The following NALF1 variants were observed in gnomAD, a reference collection of about 807,000 sequenced individuals.
NALF1 encodes family with sequence similarity 155 member A.
NALF1 carries 3 observed loss-of-function variants against 48.4 expected under a neutral mutation model. The observed-to-expected ratio is 0.06, with a 90% CI of 0.03 to 0.16. The LOEUF (loss-of-function observed/expected upper bound fraction) is 0.16. Ranked by LOEUF, NALF1 falls within the 10% of genes least tolerant of loss-of-function variation. NALF1 has a pLI of 1.00. For synonymous variants in NALF1, 262 were observed against 245.7 expected, an observed-to-expected ratio of 1.07 and a Z score of -0.62; for missense variants, 526 against 571.5, an observed-to-expected ratio of 0.92 and a Z score of 0.81.
chr13:107,797,070 A>G (rs1475011138), intron 1 of NALF1, among the ~76,000 whole-genome samples: 1 of 152,186 alleles, frequency 6.6e-6, no homozygotes, highest in African/African-American at 2.4e-5. Context: ...CATGGCCACC[A>G]AAAAGCTTTC....
At chr13:107,706,286 C>A (rs1237181168) in intron 1 of NALF1, among the ~76,000 whole-genome samples, 1 of 152,178 alleles carries the variant, frequency 6.6e-6, no homozygotes, top group African/African-American at 2.4e-5. Flanking sequence ...CAGAACTCTG[C>A]TCCCTTCTGG....
chr13:107,680,422 G>T (rs1273273231), intron 1 of NALF1, among the ~76,000 whole-genome samples: 1 of 150,298 alleles, frequency 6.7e-6, no homozygotes, highest in Admixed American at 6.6e-5. Context: ...GTGTGTGCGT[G>T]TGAGTGTGAA....
intron 1 of NALF1, among the ~76,000 whole-genome samples, chr13:107,514,436 T>TCTAG (rs1875992037): frequency 7.2e-6 from 1 of 139,204 alleles, no homozygotes; most frequent in Non-Finnish European, 1.5e-5. Flanking sequence ...TATCTATCTA[T>TCTAG]CTATCTATCT....
intron 1 of NALF1, among the ~76,000 whole-genome samples, chr13:107,455,443 G>A (rs930086642): frequency 6.6e-6 from 1 of 152,014 alleles, no homozygotes; most frequent in South Asian, 2.1e-4. Flanking sequence ...TATATCCTGT[G>A]ACCACACCCA....
intron 1 of NALF1, among the ~76,000 whole-genome samples, chr13:107,419,340 G>T (rs1420798868): frequency 1.3e-5 from 2 of 152,192 alleles, no homozygotes; most frequent in East Asian, 3.8e-4. Context: ...TGTACCATAT[G>T]TGCCTGTCTC....
intron 1 of NALF1, among the ~76,000 whole-genome samples, chr13:107,634,458 T>A (rs1408204473): frequency 6.6e-6 from 1 of 152,152 alleles, no homozygotes; most frequent in Admixed American, 6.6e-5. Flanking sequence ...TTTTAAAAAA[T>A]TAATGTATAT....
At chr13:107,456,462 A>C (rs905394061) in intron 1 of NALF1, among the ~76,000 whole-genome samples, 3 of 152,164 alleles carry the variant, frequency 2.0e-5, no homozygotes, top group Non-Finnish European at 4.4e-5. Context: ...ATCATATCTC[A>C]ATGAAACTCT....
intron 1 of NALF1, among the ~76,000 whole-genome samples, chr13:107,615,727 G>A (rs1879361350): frequency 6.6e-6 from 1 of 152,108 alleles, no homozygotes; most frequent in South Asian, 2.1e-4. Context: ...AAATTATCTT[G>A]AATATATTTT....
chr13:107,517,660 C>CA (rs1566374116), intron 1 of NALF1, among the ~76,000 whole-genome samples: 2 of 145,168 alleles, frequency 1.4e-5, no homozygotes, highest in East Asian at 2.1e-4. Flanking sequence ...AACAAACAAA[C>CA]AAAAAACACT....
chr13:107,364,776 CGT>C (rs1883122492), intron 1 of NALF1, among the ~76,000 whole-genome samples: 1 of 152,006 alleles, frequency 6.6e-6, no homozygotes, highest in Non-Finnish European at 1.5e-5. Context: ...ACCCCAAGCT[CGT>C]AAGAGCCTGA....
chr13:107,386,897 T>C (rs16970040), intron 1 of NALF1, among the ~76,000 whole-genome samples: 2,778 of 152,226 alleles, frequency 0.018, 90 homozygotes, highest in African/African-American at 0.062. Flanking sequence ...AAAAGTGACA[T>C]GTTGGAAAGA....
At chr13:107,776,518 T>A (rs970912612) in intron 1 of NALF1, among the ~76,000 whole-genome samples, 1 of 152,062 alleles carries the variant, frequency 6.6e-6, no homozygotes, top group Non-Finnish European at 1.5e-5. Context: ...TAAACAAGAG[T>A]ATAGCCTGAC....
chr13:107,214,409 A>G (rs1879830083), intron 1 of NALF1, among the ~76,000 whole-genome samples: 1 of 152,228 alleles, frequency 6.6e-6, no homozygotes, highest in Non-Finnish European at 1.5e-5. Context: ...ATAGAGAGAA[A>G]TATTAGGTAA....
intron 1 of NALF1, among the ~76,000 whole-genome samples, chr13:107,601,962 C>T (rs986144152): frequency 4.6e-5 from 7 of 151,952 alleles, no homozygotes; most frequent in Non-Finnish European, 1.0e-4. Flanking sequence ...TGTTTTAATG[C>T]GACAAATTTC....
chr13:107,641,824 C>A (rs1482108626), intron 1 of NALF1, among the ~76,000 whole-genome samples: 1 of 152,110 alleles, frequency 6.6e-6, no homozygotes, highest in Non-Finnish European at 1.5e-5. Context: ...ATTTATGAAC[C>A]AGGTTTCAAC....
At chr13:107,827,071 T>A (rs951965273) in intron 1 of NALF1, among the ~76,000 whole-genome samples, 1 of 152,214 alleles carries the variant, frequency 6.6e-6, no homozygotes, top group South Asian at 2.1e-4. Context: ...CCTACTATGT[T>A]TAGGTTTCCA....
intron 1 of NALF1, among the ~76,000 whole-genome samples, chr13:107,637,616 C>T (rs142037834): frequency 8.9e-4 from 135 of 152,256 alleles, no homozygotes; most frequent in African/African-American, 3.0e-3. Flanking sequence ...CTGACTGCCA[C>T]GTGCTAGTGT....
chr13:107,519,746 G>T (rs957572030), intron 1 of NALF1, among the ~76,000 whole-genome samples: 15 of 152,230 alleles, frequency 9.9e-5, no homozygotes, highest in Admixed American at 8.5e-4. Context: ...TCTGGCCAAA[G>T]AAATGGTTTT....
At chr13:107,676,538 A>C (rs1240400975) in intron 1 of NALF1, among the ~76,000 whole-genome samples, 1 of 152,198 alleles carries the variant, frequency 6.6e-6, no homozygotes, top group South Asian at 2.1e-4. Context: ...GCCCTTTGTC[A>C]TACAGACAAA....
Sources: allele counts gnomAD v4.1 joint callset (sites outside exome capture counted in the v4.1 genomes callset), GRCh38; gene constraint gnomAD v4.1.1; transcripts MANE v1.5; gene names NCBI Gene and HGNC (gene_info 2026-07-23, HGNC 2026-07-21).